The following KCNH7 variants were observed in gnomAD, a reference collection of about 807,000 sequenced individuals.
The protein encoded by KCNH7 is potassium voltage-gated channel subfamily H member 7, also known as voltage-gated inwardly rectifying potassium channel KCNH7.
In KCNH7, 49 loss-of-function variants were observed where a neutral mutation model predicts 120.8. The ratio of observed to expected loss-of-function variants is 0.41; its 90% CI spans 0.32 to 0.51. KCNH7 has a LOEUF of 0.51. Ranked by LOEUF, KCNH7 falls within the 20% of genes least tolerant of loss-of-function variation. The pLI, the probability that KCNH7 is intolerant of heterozygous loss-of-function variation, is 0.38. For missense variants in KCNH7, 1,097 were observed against 1,446.6 expected (o/e 0.76, Z 3.92); for synonymous variants, 547 against 516.1 (o/e 1.06, Z -0.81).
chr2:162,625,832 A>G (rs1253057885), intron 2 of KCNH7, among the ~76,000 whole-genome samples: 1 of 152,112 alleles, frequency 6.6e-6, no homozygotes, highest in Non-Finnish European at 1.5e-5. Context: ...ATATAGATTG[A>G]GATGTGTGTG....
chr2:162,662,348 G>A (rs553653506), intron 2 of KCNH7, among the ~76,000 whole-genome samples: 26 of 152,266 alleles, frequency 1.7e-4, no homozygotes, highest in African/African-American at 5.3e-4. Context: ...ACAGTAAAAT[G>A]CATTCATTTA....
intron 2 of KCNH7, among the ~76,000 whole-genome samples, chr2:162,831,154 C>G (rs950466516): frequency 1.3e-5 from 2 of 152,084 alleles, no homozygotes; most frequent in African/African-American, 4.8e-5. Flanking sequence ...TATTCAGTCT[C>G]TCTGGGCTTC....
intron 2 of KCNH7, among the ~76,000 whole-genome samples, chr2:162,701,609 A>G (rs1354589995): frequency 3.9e-5 from 6 of 152,220 alleles, no homozygotes; most frequent in Non-Finnish European, 8.8e-5. Context: ...TCAAAATTGT[A>G]ATCTCTTAAC....
chr2:162,673,221 A>G (rs530606629), intron 2 of KCNH7, among the ~76,000 whole-genome samples: 30 of 152,060 alleles, frequency 2.0e-4, no homozygotes, highest in Non-Finnish European at 3.4e-4. Context: ...AGAGAAGGGC[A>G]GTAGTAGAAA....
At chr2:162,454,669 C>A (rs1433917322) in intron 6 of KCNH7, among the ~76,000 whole-genome samples, 1 of 150,758 alleles carries the variant, frequency 6.6e-6, no homozygotes, top group African/African-American at 2.4e-5. Flanking sequence ...GTCCTTCACA[C>A]CCCTTGTAAG....
At chr2:162,511,344 T>C (rs1424858201) in intron 5 of KCNH7, among the ~76,000 whole-genome samples, 1 of 151,686 alleles carries the variant, frequency 6.6e-6, no homozygotes, top group African/African-American at 2.4e-5. Context: ...TACTGCTAAT[T>C]GTTAAATCCT....
intron 2 of KCNH7, among the ~76,000 whole-genome samples, chr2:162,645,438 A>C (rs1474405025): frequency 6.6e-6 from 1 of 152,042 alleles, no homozygotes; most frequent in African/African-American, 2.4e-5. Context: ...GAGCCACTAC[A>C]CCTGGCCTAT....
At chr2:162,485,378 T>C (rs1690059913) in intron 6 of KCNH7, among the ~76,000 whole-genome samples, 1 of 152,170 alleles carries the variant, frequency 6.6e-6, no homozygotes. Flanking sequence ...ACTCATTAGG[T>C]TTATGCCTTA....
At chr2:162,529,916 C>A (rs1691857030) in intron 3 of KCNH7, among the ~76,000 whole-genome samples, 1 of 151,842 alleles carries the variant, frequency 6.6e-6, no homozygotes, top group Non-Finnish European at 1.5e-5. Context: ...TTAATTGGCT[C>A]ATTTATTCAG....
intron 12 of KCNH7, among the ~76,000 whole-genome samples, chr2:162,390,181 T>A (rs1686702293): frequency 6.6e-6 from 1 of 151,768 alleles, no homozygotes; most frequent in Admixed American, 6.6e-5. Flanking sequence ...CTGCAAATAT[T>A]TGGTCTTATA....
rs145928139 is a variant in KCNH7, at chr2:162,628,917, A to G, written c.308-91837T>C. On this transcript the variant is annotated intron_variant, in intron 2 of 15. Coordinates refer to ENST00000332142, the MANE Select transcript of KCNH7 (RefSeq NM_033272.4). ...AGTATACATTTTGGACCTCAAGTTC[A>G]TGAATGACAGAACACATAGGATTAT... is the stretch of plus-strand genomic sequence containing the variant. 6.0e-4 allele frequency among the ~76,000 whole-genome samples: 92 copies of G among 152,236 alleles called. No individual in the cohort carries two copies. In the East Asian group the frequency reaches 0.011, roughly 18 times the overall value.
At chr2:162,801,609 T>C (rs879813109) in intron 2 of KCNH7, among the ~76,000 whole-genome samples, 1 of 151,826 alleles carries the variant, frequency 6.6e-6, no homozygotes, top group Non-Finnish European at 1.5e-5. Context: ...GTGGGATACA[T>C]TTAAGCTAAT....
intron 2 of KCNH7, among the ~76,000 whole-genome samples, chr2:162,724,569 G>A (rs1687449907): frequency 6.7e-6 from 1 of 150,044 alleles, no homozygotes; most frequent in Admixed American, 6.6e-5. Context: ...CTACTTGGGA[G>A]GCTGAGGCAG....
intron 14 of KCNH7, among the ~76,000 whole-genome samples, chr2:162,375,466 C>T (rs1455626420): frequency 6.6e-6 from 1 of 152,136 alleles, no homozygotes; most frequent in Non-Finnish European, 1.5e-5. Flanking sequence ...ATCCATACAT[C>T]CAGTAATTGC....
At chr2:162,542,407 C>A (rs1186360082) in intron 2 of KCNH7, among the ~76,000 whole-genome samples, 2 of 123,014 alleles carry the variant, frequency 1.6e-5, no homozygotes, top group South Asian at 3.5e-4. Flanking sequence ...CCCCTCCCCC[C>A]ACCCCACAAC....
chr2:162,440,742 C>T (rs926981078), intron 7 of KCNH7, among the ~76,000 whole-genome samples: 1 of 151,866 alleles, frequency 6.6e-6, no homozygotes, highest in African/African-American at 2.4e-5. Context: ...ATTTAATAAC[C>T]TTTATTATTG....
chr2:162,655,821 G>T (rs1173785487), intron 2 of KCNH7, among the ~76,000 whole-genome samples: 1 of 151,964 alleles, frequency 6.6e-6, no homozygotes, highest in East Asian at 1.9e-4. Flanking sequence ...ACGAATTATT[G>T]TGGTCATATT....
chr2:162,408,055 A>G lies in KCNH7; in HGVS notation c.2155-7614T>C, dbSNP rs548220268. ...TCAAATTTGAAAGCAGAGACAATGC[A>G]TTAGGAATTTTATTTGTAGAAGGAC... On this transcript the variant is annotated intron_variant, in intron 9 of 15. Transcript: ENST00000332142. Among the ~76,000 whole-genome samples, 8 of 152,186 alleles carry G rather than the reference A, an allele frequency of 5.3e-5. No homozygotes were observed. In the South Asian group the frequency reaches 1.5e-3, roughly 28 times the overall value.
intron 2 of KCNH7, among the ~76,000 whole-genome samples, chr2:162,613,121 G>C (rs1683024609): frequency 6.6e-6 from 1 of 151,924 alleles, no homozygotes; most frequent in Non-Finnish European, 1.5e-5. Context: ...ATTGAGGGAG[G>C]CTAATACATT....
Sources: allele counts gnomAD v4.1 joint callset (sites outside exome capture counted in the v4.1 genomes callset), GRCh38; gene constraint gnomAD v4.1.1; transcripts MANE v1.5; gene names NCBI Gene and HGNC (gene_info 2026-07-23, HGNC 2026-07-21).